Variants in CAMKMT observed in about 807,000 individuals in gnomAD.
The protein encoded by CAMKMT is calmodulin-lysine N-methyltransferase.
A neutral mutation model predicts 48.0 loss-of-function variants in CAMKMT; 53 were observed. The ratio of observed to expected loss-of-function variants is 1.10; its 90% CI spans 0.89 to 1.39. CAMKMT has a LOEUF of 1.39. Ranked by LOEUF, CAMKMT falls within the 40% of genes most tolerant of loss-of-function variation. The pLI, the probability that CAMKMT is intolerant of heterozygous loss-of-function variation, is 0.00. For synonymous variants in CAMKMT, 165 were observed against 152.3 expected, an observed-to-expected ratio of 1.08 and a Z score of -0.61; for missense variants, 428 against 402.7, an observed-to-expected ratio of 1.06 and a Z score of -0.54.
intron 3 of CAMKMT, among the ~76,000 whole-genome samples, chr2:44,556,450 C>CTTTTTTTTTT (rs1176467214): frequency 2.0e-5 from 1 of 50,276 alleles, no homozygotes; most frequent in Non-Finnish European, 3.5e-5. Flanking sequence ...ATTTTTCTTT[C>CTTTTTTTTTT]TTTTTTTTTT....
intron 3 of CAMKMT, among the ~76,000 whole-genome samples, chr2:44,597,392 CACAATTAATAATA>C (rs1305890970): frequency 6.6e-6 from 1 of 152,092 alleles, no homozygotes; most frequent in Non-Finnish European, 1.5e-5. Flanking sequence ...CCAGTGAATC[CACAATTAATAATA>C]ACATCAGCCA....
chr2:44,466,403 T>C (rs1414724530), intron 3 of CAMKMT, among the ~76,000 whole-genome samples: 1 of 152,168 alleles, frequency 6.6e-6, no homozygotes, highest in Non-Finnish European at 1.5e-5. Flanking sequence ...TATGTGGTGA[T>C]TAATCAACAC....
Position 44,705,301 on chromosome 2 carries a change from T to G in CAMKMT, c.437+958T>G, listed in dbSNP as rs916693357. 4.1e-6 allele frequency: 4 copies of G among 981,228 alleles called. No individual in the cohort carries two copies. The African/African-American group carries it at 7.0e-5, about 17-fold the overall frequency. The allele number at this position is 981,228 out of a possible 1,614,324, so 60.8% of individuals were successfully genotyped here. ...CCTCTCCCTCTCTTTTAATTTTGCT[T>G]TTTTTCTCCTCTTGAGGTAATAAAC... On this transcript the variant is annotated intron_variant, in intron 4 of 10. Coordinates refer to ENST00000378494, the MANE Select transcript of CAMKMT (RefSeq NM_024766.5).
At chr2:44,766,760 A>G (rs1680859067) in intron 10 of CAMKMT, among the ~76,000 whole-genome samples, 199 bp downstream of exon 10, 1 of 151,936 alleles carries the variant, frequency 6.6e-6, no homozygotes. Context: ...TTTTACAGAA[A>G]CCATTCCTGT....
At chr2:44,436,904 T>C (rs1433343183) in intron 3 of CAMKMT, among the ~76,000 whole-genome samples, 2 of 152,226 alleles carry the variant, frequency 1.3e-5, no homozygotes, top group East Asian at 3.8e-4. Flanking sequence ...TTTATAATGA[T>C]ATTTTAGGTA....
chr2:44,533,271 T>A (rs1486854589), intron 3 of CAMKMT, among the ~76,000 whole-genome samples: 1 of 151,246 alleles, frequency 6.6e-6, no homozygotes, highest in African/African-American at 2.4e-5. Context: ...AGAGTTTCTC[T>A]TTTGTCGCCC....
intron 3 of CAMKMT, among the ~76,000 whole-genome samples, chr2:44,510,822 C>T (rs900852972): frequency 1.2e-4 from 18 of 152,000 alleles, no homozygotes; most frequent in East Asian, 9.7e-4. Context: ...CCTTCCTCCT[C>T]GAGTCCCCAA....
chr2:44,692,191 A>G (rs1184105868), intron 3 of CAMKMT, among the ~76,000 whole-genome samples: 1 of 152,212 alleles, frequency 6.6e-6, no homozygotes, highest in East Asian at 1.9e-4. Context: ...ATTCAGGTTG[A>G]TAAAATTCCC....
chr2:44,417,613 A>C lies in CAMKMT; in HGVS notation c.376+27308A>C, dbSNP rs551184014. On this transcript the variant is annotated intron_variant, in intron 3 of 10. Coordinates refer to ENST00000378494, the MANE Select transcript of CAMKMT (RefSeq NM_024766.5). Reference sequence around the variant, plus strand: ...GTTAGATTGTATAAGTGTACATTTAACTTTGTAAGATATTACCAAACTGTT... The same window carrying C: ...GTTAGATTGTATAAGTGTACATTTACCTTTGTAAGATATTACCAAACTGTT... Among the ~76,000 whole-genome samples, 3 of 152,240 alleles carry C rather than the reference A, an allele frequency of 2.0e-5. 1 individual carries two copies. The South Asian group carries it at 6.2e-4, about 32-fold the overall frequency.
At chr2:44,656,990 A>G (rs953713660) in intron 3 of CAMKMT, among the ~76,000 whole-genome samples, 1 of 152,220 alleles carries the variant, frequency 6.6e-6, no homozygotes, top group Non-Finnish European at 1.5e-5. Flanking sequence ...AAAGAACCAC[A>G]AAACTAAAAT....
At chr2:44,711,108 G>C in intron 6 of CAMKMT, among the ~76,000 whole-genome samples, 1 of 152,152 alleles carries the variant, frequency 6.6e-6, no homozygotes, top group Non-Finnish European at 1.5e-5. Context: ...TGTGCAGCCT[G>C]TACCATAGAT....
At chr2:44,705,525 C>T (rs1677505608) in intron 4 of CAMKMT, 1 of 985,198 alleles carries the variant, frequency 1.0e-6, no homozygotes, top group Non-Finnish European at 1.2e-6. Context: ...GATATTTAGG[C>T]ACAAAGGGGA....
At chr2:44,504,458 A>G (rs1213840193) in intron 3 of CAMKMT, among the ~76,000 whole-genome samples, 1 of 152,172 alleles carries the variant, frequency 6.6e-6, no homozygotes, top group East Asian at 1.9e-4. Context: ...ATAAAAGTGA[A>G]TATTTGGCTT....
intron 4 of CAMKMT, 149 bp downstream of exon 4, chr2:44,704,492 G>A: frequency 1.8e-6 from 1 of 564,360 alleles, no homozygotes; most frequent in South Asian, 3.5e-5. Flanking sequence ...CAGAAAGAGG[G>A]GAAAAAGTTC....
intron 1 of CAMKMT, among the ~76,000 whole-genome samples, chr2:44,362,893 T>A (rs1454120731): frequency 2.0e-5 from 3 of 152,214 alleles, no homozygotes; most frequent in Admixed American, 6.5e-5. Flanking sequence ...TTCGCTCACT[T>A]CTTGAAGTGA....
At position 44,648,006 on chromosome 2, in the gene CAMKMT, A is replaced by T. The variant is rs778049685; in HGVS notation, c.377-56277A>T. ...TTATCTGTATTAGGAAAAAGTGGAG[A>T]TTAAAAACCCGAATGAAGAAACAGT... On this transcript the variant is annotated intron_variant, in intron 3 of 10. Coordinates refer to ENST00000378494, the MANE Select transcript of CAMKMT (RefSeq NM_024766.5). Among the ~76,000 whole-genome samples, 4 of 151,944 alleles carry T rather than the reference A, an allele frequency of 2.6e-5. No individual in the cohort carries two copies. The East Asian group carries it at 7.7e-4, about 29-fold the overall frequency.
intron 3 of CAMKMT, among the ~76,000 whole-genome samples, chr2:44,658,373 G>T (rs1674489788): frequency 6.6e-6 from 1 of 152,174 alleles, no homozygotes; most frequent in Non-Finnish European, 1.5e-5. Flanking sequence ...CAAGATAGTT[G>T]TATGAAAAGG....
At chr2:44,620,869 C>G (rs1672147145) in intron 3 of CAMKMT, among the ~76,000 whole-genome samples, 1 of 152,206 alleles carries the variant, frequency 6.6e-6, no homozygotes. Flanking sequence ...TTATTCAACT[C>G]CTTTGTGCTT....
At position 44,759,142 on chromosome 2, in the gene CAMKMT, G is replaced by A. The variant is rs572994448; in HGVS notation, c.762+5024G>A. 5.3e-5 allele frequency among the ~76,000 whole-genome samples: 8 copies of A among 152,228 alleles called. No individual in the cohort carries two copies. In the South Asian group the frequency reaches 1.7e-3, roughly 32 times the overall value. ...ATTATAAAAGCAATTTTTTGGGGGGGAGGACAGGGTCTCACTTGGTCACCA... is the reference window on the plus strand; with the variant it reads ...ATTATAAAAGCAATTTTTTGGGGGGAAGGACAGGGTCTCACTTGGTCACCA... On this transcript the variant is annotated intron_variant, in intron 9 of 10. Transcript: ENST00000378494.
Sources: allele counts gnomAD v4.1 joint callset (sites outside exome capture counted in the v4.1 genomes callset), GRCh38; gene constraint gnomAD v4.1.1; transcripts MANE v1.5; gene names NCBI Gene and HGNC (gene_info 2026-07-23, HGNC 2026-07-21).